Variants in NSDHL observed in about 807,000 individuals in gnomAD.
NSDHL encodes the protein sterol-4-alpha-carboxylate 3-dehydrogenase, decarboxylating.
NSDHL carries 1 observed loss-of-function variant against 23.0 expected under a neutral mutation model. The observed-to-expected ratio is 0.04, with a 90% CI of 0.02 to 0.21. The LOEUF (loss-of-function observed/expected upper bound fraction) is 0.21. NSDHL is among the 10% of genes least tolerant of loss of function. The probability of loss-of-function intolerance (pLI) is 1.00; values close to 1 mark genes in which losing one functional copy is unlikely to be tolerated. For missense variants in NSDHL, 237 were observed against 300.9 expected (o/e 0.79, Z 1.57); for synonymous variants, 128 against 121.1 (o/e 1.06, Z -0.37).
chrX:152,868,933 G>T lies in NSDHL; in HGVS notation c.939G>T (p.Val313=), dbSNP rs1380498114. The change falls in exon 8 of 8, where the codon GTG becomes GTT. Residue 313 remains valine, a synonymous_variant. Transcript: ENST00000370274. ...TCCTGCTATCCCTGCTGGTGATGGT[G>T]ATCAGTCCTGTCATCCAGCTGCAGC... is the stretch of plus-strand genomic sequence containing the variant. ...LALLLSLLVM[V]ISPVIQLQPT... 8.3e-7 allele frequency: 1 copy of T among 1,210,520 alleles called. No homozygotes were observed. Among genetic ancestry groups the T allele is most frequent in the Non-Finnish European group, 1.1e-6 (1 of 895,375 alleles).
At position 152,869,182 on chromosome X, in the gene NSDHL, A is replaced by G; in HGVS notation, c.*66A>G. ...CAGTCACTCCTTCCCCTGTGGATTGATGAAATAACATCCTTTGAATGAGTT... is the reference window on the plus strand; with the variant it reads ...CAGTCACTCCTTCCCCTGTGGATTGGTGAAATAACATCCTTTGAATGAGTT... On this transcript the variant is annotated 3_prime_UTR_variant, in exon 8 of 8. Coordinates refer to ENST00000370274, the MANE Select transcript of NSDHL (RefSeq NM_015922.3). The G allele has an allele frequency of 3.4e-6, 3 of 894,895 alleles. No homozygotes were observed. The highest frequency in any genetic ancestry group is 4.9e-6 in the Non-Finnish European group (3 of 616,863). 73.7% of individuals were successfully genotyped at this position (894,895 alleles called of 1,213,427 possible).
chrX:152,841,520 A>T (rs987820636), intron 1 of NSDHL, among the ~76,000 whole-genome samples: 1 of 112,372 alleles, frequency 8.9e-6, no homozygotes, highest in Non-Finnish European at 1.9e-5. Context: ...TTGTCCTTCC[A>T]TGGGCCTGTG....
intron 1 of NSDHL, among the ~76,000 whole-genome samples, chrX:152,843,438 T>A (rs1005631222): frequency 1.3e-4 from 15 of 112,237 alleles, no homozygotes; most frequent in African/African-American, 4.9e-4. Flanking sequence ...GTTGACAAGG[T>A]TGTGTTCCCT....
At chrX:152,852,547 G>C (rs1312358949) in intron 3 of NSDHL, among the ~76,000 whole-genome samples, 2 of 110,601 alleles carry the variant, frequency 1.8e-5, no homozygotes, top group African/African-American at 6.6e-5. Flanking sequence ...TGGAGTCACC[G>C]GGGACTAGAG....
At chrX:152,839,933 C>T (rs782595650) in intron 1 of NSDHL, among the ~76,000 whole-genome samples, 3 of 112,652 alleles carry the variant, frequency 2.7e-5, no homozygotes, top group Non-Finnish European at 5.6e-5. Context: ...CTTTCAGGTA[C>T]TCCAGTCAAA....
At chrX:152,836,147 T>C (rs782748744) in intron 1 of NSDHL, among the ~76,000 whole-genome samples, 1 of 111,932 alleles carries the variant, frequency 8.9e-6, no homozygotes, top group African/African-American at 3.2e-5. Flanking sequence ...TTTGATGGGG[T>C]TGTTTGTGTT....
chrX:152,869,253 A>G lies in NSDHL; in HGVS notation c.*137A>G, dbSNP rs1489529918. Reference sequence around the variant, plus strand: ...TTCTGCTAGGCAGAGAGCGCACCCTACTCTTTCCGTGACGATGAGGGCGGC... The same window carrying G: ...TTCTGCTAGGCAGAGAGCGCACCCTGCTCTTTCCGTGACGATGAGGGCGGC... On this transcript the variant is annotated 3_prime_UTR_variant, in exon 8 of 8. Coordinates refer to ENST00000370274, the MANE Select transcript of NSDHL (RefSeq NM_015922.3). 5.5e-6 allele frequency: 3 copies of G among 548,123 alleles called. No homozygotes were observed. Among genetic ancestry groups the G allele is most frequent in the Non-Finnish European group, 9.4e-6 (3 of 320,586 alleles). The allele number at this position is 548,123 out of a possible 1,213,427, so 45.2% of individuals were successfully genotyped here.
At chrX:152,854,741 G>A (rs2125011040) in intron 3 of NSDHL, among the ~76,000 whole-genome samples, 1 of 109,990 alleles carries the variant, frequency 9.1e-6, no homozygotes, top group Non-Finnish European at 1.9e-5. Context: ...CTTTCACCTG[G>A]GTGTGGTGGT....
chrX:152,836,838 A>C (rs1933104866), intron 1 of NSDHL, among the ~76,000 whole-genome samples: 1 of 112,386 alleles, frequency 8.9e-6, no homozygotes, highest in Non-Finnish European at 1.9e-5. Context: ...AATTCTGTGA[A>C]GAAAGTCATT....
At chrX:152,848,598 T>G (rs1556845897) in intron 2 of NSDHL, among the ~76,000 whole-genome samples, 1 of 112,819 alleles carries the variant, frequency 8.9e-6, no homozygotes, top group Non-Finnish European at 1.9e-5. Context: ...TTGAAGAGAT[T>G]AGCAACCTTT....
At chrX:152,858,398 T>C (rs1214130574) in intron 3 of NSDHL, among the ~76,000 whole-genome samples, 1 of 112,438 alleles carries the variant, frequency 8.9e-6, no homozygotes, top group Non-Finnish European at 1.9e-5. Context: ...CTGTCTTTAA[T>C]GGTGTGGAAC....
At chrX:152,833,819 A>G (rs890811197) in intron 1 of NSDHL, among the ~76,000 whole-genome samples, 2 of 111,864 alleles carry the variant, frequency 1.8e-5, no homozygotes, top group Non-Finnish European at 3.8e-5. Context: ...CCCACCCTAG[A>G]TGGCGGGCTC....
chrX:152,843,885 T>C (rs1402302025), intron 1 of NSDHL, among the ~76,000 whole-genome samples: 1 of 112,440 alleles, frequency 8.9e-6, no homozygotes, highest in African/African-American at 3.2e-5. Context: ...TTACAAAGCA[T>C]GTCCTTGGTT....
intron 4 of NSDHL, 96 bp downstream of exon 4, chrX:152,859,012 C>T (rs1454112316): frequency 9.5e-6 from 7 of 736,487 alleles, no homozygotes; most frequent in East Asian, 3.2e-5. Context: ...TGGGCCTAGG[C>T]GGGGTTGCTT....
chrX:152,860,554 C>T (rs1419619844), intron 4 of NSDHL, among the ~76,000 whole-genome samples: 2 of 110,865 alleles, frequency 1.8e-5, no homozygotes, highest in Non-Finnish European at 3.8e-5. Flanking sequence ...CACCTCTACA[C>T]GAATTTTTAA....
chrX:152,848,748 G>C (rs1393935944), intron 2 of NSDHL, among the ~76,000 whole-genome samples: 1 of 112,105 alleles, frequency 8.9e-6, no homozygotes, highest in Non-Finnish European at 1.9e-5. Context: ...TCCAGGTTGG[G>C]AAACAGGCAG....
intron 6 of NSDHL, among the ~76,000 whole-genome samples, chrX:152,866,718 T>G (rs1054119197): frequency 8.9e-5 from 10 of 112,241 alleles, no homozygotes; most frequent in Admixed American, 2.8e-4. Context: ...TTCCCTCTTA[T>G]AAGGACATCA....
At chrX:152,868,168 C>CA (rs1569475367) in intron 7 of NSDHL, among the ~76,000 whole-genome samples, 1 of 103,473 alleles carries the variant, frequency 9.7e-6, no homozygotes, top group Non-Finnish European at 2.0e-5. Flanking sequence ...GAGACAGTCT[C>CA]ACTCTGTCAC....
intron 1 of NSDHL, among the ~76,000 whole-genome samples, chrX:152,840,031 T>C (rs1933165073): frequency 8.9e-6 from 1 of 112,280 alleles, no homozygotes; most frequent in Non-Finnish European, 1.9e-5. Context: ...CCTTGTCTTC[T>C]CACTTTATTT....
Sources: gnomAD v4.1 joint callset for allele counts (sites outside exome capture counted in the v4.1 genomes callset) on GRCh38, gnomAD v4.1.1 for gene constraint, MANE v1.5 for transcripts, NCBI Gene and HGNC (gene_info 2026-07-23, HGNC 2026-07-21) for gene names.